MRTFB: variants seen among roughly 807,000 people sequenced by gnomAD.
MRTFB encodes myocardin related transcription factor B.
In MRTFB, 29 loss-of-function variants were observed where a neutral mutation model predicts 104.2. That is an observed-to-expected ratio of 0.28 (90% CI 0.21 to 0.38). The LOEUF is 0.38. MRTFB is among the 10% of genes least tolerant of loss of function. MRTFB has a pLI of 1.00. For missense variants in MRTFB, 1,270 were observed against 1,341.6 expected (o/e 0.95, Z 0.83); for synonymous variants, 535 against 519.5 (o/e 1.03, Z -0.41).
the MRTFB span, among the ~76,000 whole-genome samples, chr16:14,062,291 G>C: frequency 6.6e-6 from 1 of 151,788 alleles, no homozygotes; most frequent in Non-Finnish European, 1.5e-5. Context: ...TAGAGATGAG[G>C]GTCTCGCTAT....
upstream of MRTFB, chr16:14,071,200 C>G (rs905215022): frequency 3.9e-5 from 6 of 153,118 alleles, no homozygotes; most frequent in Non-Finnish European, 5.9e-5. Flanking sequence ...CGAGAGAGGC[C>G]GGGCTTGACC....
At chr16:14,006,967 T>C in the MRTFB span, among the ~76,000 whole-genome samples, 1 of 151,010 alleles carries the variant, frequency 6.6e-6, no homozygotes, top group Non-Finnish European at 1.5e-5. Flanking sequence ...CAGTGAGCTA[T>C]GATCGCACCA....
chr16:14,079,549 C>T (rs1567297877), intron 2 of MRTFB, among the ~76,000 whole-genome samples, 195 bp downstream of exon 2: 1 of 152,122 alleles, frequency 6.6e-6, no homozygotes, highest in Non-Finnish European at 1.5e-5. Flanking sequence ...ACGTTCTCAA[C>T]CTCTTCGAAT....
chr16:14,094,914 T>G (rs2035277665), intron 2 of MRTFB, among the ~76,000 whole-genome samples: 1 of 152,188 alleles, frequency 6.6e-6, no homozygotes, highest in East Asian at 1.9e-4. Context: ...TGTTACAGCT[T>G]TATGCTAATT....
intron 2 of MRTFB, among the ~76,000 whole-genome samples, chr16:14,112,230 C>T (rs1348189114): frequency 1.3e-5 from 2 of 152,064 alleles, no homozygotes; most frequent in African/African-American, 4.8e-5. Context: ...GTGGAGACCC[C>T]GGTGGGATTA....
In MRTFB at chr16:14,234,275, C is replaced by A; in HGVS notation, c.823C>A (p.Leu275Met). 6.2e-7 allele frequency: 1 copy of A among 1,614,082 alleles called. No individual in the cohort carries two copies. Among genetic ancestry groups the A allele is most frequent in the Non-Finnish European group, 8.5e-7 (1 of 1,179,988 alleles). Residue 275 changes from leucine to methionine, a missense_variant, in exon 9 of 17, where the codon CTG becomes ATG. Leu to Met is a conservative substitution (Grantham distance 15, BLOSUM62 2). Transcript: ENST00000571589. ...GTCCTCAGCAAAGCCTGGCCCAGCA[C>A]TGGTGAAGGTGGGTACTTTGGATAC... The part of the protein sequence containing the change: ...TVSSAKPGPA[L>M]VKQSHPKNPN...
chr16:14,147,965 C>T (rs990374769), intron 3 of MRTFB, among the ~76,000 whole-genome samples: 2 of 152,140 alleles, frequency 1.3e-5, no homozygotes, highest in African/African-American at 4.8e-5. Context: ...ACATTTTAGA[C>T]AACTTTTCTA....
intron 1 of MRTFB, among the ~76,000 whole-genome samples, chr16:14,074,508 T>C (rs2033918070): frequency 6.6e-6 from 1 of 152,138 alleles, no homozygotes; most frequent in Non-Finnish European, 1.5e-5. Context: ...ATCTCTGATT[T>C]GTAATTAAGG....
chr16:14,035,662 A>G, the MRTFB span, among the ~76,000 whole-genome samples: 1 of 152,168 alleles, frequency 6.6e-6, no homozygotes, highest in Non-Finnish European at 1.5e-5. Flanking sequence ...AGGCTCTGTC[A>G]TGATTTGCAC....
In MRTFB at chr16:14,263,393, C is replaced by G. The variant is rs1008049820; in HGVS notation, c.*1949C>G. On this transcript the variant is annotated 3_prime_UTR_variant, in exon 17 of 17. Coordinates refer to ENST00000571589, the MANE Select transcript of MRTFB (RefSeq NM_001308142.2). ...TTTACTTGGGAAAGTATTTTTCTTA[C>G]AGTTCTTGGCCACAGTTTTTTTGCT... is the stretch of plus-strand genomic sequence containing the variant. 6.6e-6 allele frequency: 1 copy of G among 152,164 alleles called. No individual in the cohort carries two copies. Among genetic ancestry groups the G allele is most frequent in the Non-Finnish European group, 1.5e-5 (1 of 68,020 alleles). 9.4% of individuals were successfully genotyped at this position (152,164 alleles called of 1,614,324 possible). A position where few individuals can be genotyped will look rare whatever the true frequency, so the allele number is the denominator to read the frequency against.
At chr16:14,260,770 T>C (rs2043740415) in intron 16 of MRTFB, 139 bp from the exon 17 acceptor site, 2 of 678,804 alleles carry the variant, frequency 2.9e-6, no homozygotes, top group South Asian at 4.0e-5. Context: ...ACCTGACCAA[T>C]AGCATTCTCT....
At chr16:14,046,274 C>A in the MRTFB span, among the ~76,000 whole-genome samples, 1 of 152,030 alleles carries the variant, frequency 6.6e-6, no homozygotes, top group African/African-American at 2.4e-5. Context: ...GGTAGTGATC[C>A]GTGATTGTGC....
chr16:14,090,513 A>G lies in MRTFB; in HGVS notation c.-64+11159A>G, dbSNP rs372989228. Among the ~76,000 whole-genome samples, 108 of 152,266 alleles carry G rather than the reference A, an allele frequency of 7.1e-4. 1 individual carries two copies. The South Asian group carries it at 0.021, about 30-fold the overall frequency. On this transcript the variant is annotated intron_variant, in intron 2 of 16. Transcript: ENST00000571589. The stretch of plus-strand genomic sequence containing the variant: ...CCAGAGGTGAGTGGGATGTGGCCCT[A>G]TCTTTAAGGAACAGGAGCTCACATG...
the MRTFB span, among the ~76,000 whole-genome samples, chr16:13,998,712 A>C: frequency 1.3e-5 from 2 of 151,472 alleles, no homozygotes; most frequent in African/African-American, 4.9e-5. Context: ...GAAGGAAGAC[A>C]GAAGACAGGA....
chr16:14,153,344 C>CT (rs983915468), intron 3 of MRTFB: 52 of 152,194 alleles, frequency 3.4e-4, no homozygotes, highest in African/African-American at 1.2e-3. Context: ...TTTCTAACAA[C>CT]TTTTTTATCT....
the MRTFB span, among the ~76,000 whole-genome samples, chr16:14,005,509 T>G: frequency 8.5e-5 from 13 of 152,136 alleles, no homozygotes; most frequent in Middle Eastern, 3.2e-3. Context: ...GTGGTATGAT[T>G]CCCATTTAGC....
chr16:14,064,449 C>T, the MRTFB span, among the ~76,000 whole-genome samples: 1 of 152,164 alleles, frequency 6.6e-6, no homozygotes, highest in Non-Finnish European at 1.5e-5. Context: ...GTTTCTTATG[C>T]TGTGCAGAAG....
the MRTFB span, among the ~76,000 whole-genome samples, chr16:14,038,016 G>C: frequency 2.6e-5 from 4 of 152,268 alleles, no homozygotes. Flanking sequence ...TCCATACCTG[G>C]GCTGTTATTA....
intron 5 of MRTFB, among the ~76,000 whole-genome samples, chr16:14,213,329 T>C (rs1386121385): frequency 6.6e-6 from 1 of 152,250 alleles, no homozygotes; most frequent in Non-Finnish European, 1.5e-5. Context: ...AAATGCTTAG[T>C]TTATACCAAC....
Sources: allele counts gnomAD v4.1 joint callset (sites outside exome capture counted in the v4.1 genomes callset), GRCh38; gene constraint gnomAD v4.1.1; transcripts MANE v1.5; gene names NCBI Gene and HGNC (gene_info 2026-07-23, HGNC 2026-07-21).